The following AGTPBP1 variants were observed in gnomAD, a reference collection of about 807,000 sequenced individuals.
AGTPBP1 encodes ATP/GTP binding carboxypeptidase 1, also known as cytosolic carboxypeptidase 1.
A neutral mutation model predicts 143.9 loss-of-function variants in AGTPBP1; 70 were observed. The observed-to-expected ratio is 0.49, with a 90% CI of 0.40 to 0.59. The LOEUF is 0.59. AGTPBP1 is among the 20% of genes least tolerant of loss of function. The pLI is 0.00. For synonymous variants in AGTPBP1, 463 were observed against 500.2 expected (o/e 0.93, Z 0.99); for missense variants, 1,229 against 1,464.5 (o/e 0.84, Z 2.62).
At chr9:85,629,982 T>C (rs1338799425) in intron 14 of AGTPBP1, among the ~76,000 whole-genome samples, 1 of 152,210 alleles carries the variant, frequency 6.6e-6, no homozygotes, top group Non-Finnish European at 1.5e-5. Context: ...CCTCAAATAT[T>C]ACAGGCTAGT....
intron 4 of AGTPBP1, among the ~76,000 whole-genome samples, chr9:85,679,972 T>G (rs1045583671): frequency 9.9e-5 from 15 of 152,218 alleles, no homozygotes; most frequent in Admixed American, 9.8e-4. Flanking sequence ...TTTATTTGGG[T>G]GTGGAATGCA....
At chr9:85,744,457 C>T (rs974727391), upstream of AGTPBP1, among the ~76,000 whole-genome samples, 2 of 152,132 alleles carry the variant, frequency 1.3e-5, 1 homozygote, top group Non-Finnish European at 2.9e-5. Flanking sequence ...GGATTGTTTC[C>T]TCCTTAGCTC....
At chr9:85,565,907 T>C (rs1827054792) in intron 25 of AGTPBP1, among the ~76,000 whole-genome samples, 1 of 152,208 alleles carries the variant, frequency 6.6e-6, no homozygotes, top group South Asian at 2.1e-4. Context: ...GGTAAAATAG[T>C]GGCATACTTT....
chr9:85,612,246 T>C (rs62566925), intron 17 of AGTPBP1, among the ~76,000 whole-genome samples: 5,648 of 152,218 alleles, frequency 0.037, 167 homozygotes, highest in African/African-American at 0.079. Context: ...AAAGACCAAG[T>C]CATGATAAGA....
At chr9:85,730,801 C>G (rs1247827553) in intron 1 of AGTPBP1, among the ~76,000 whole-genome samples, 1 of 152,192 alleles carries the variant, frequency 6.6e-6, no homozygotes, top group Non-Finnish European at 1.5e-5. Flanking sequence ...TTAGCATTAT[C>G]TTTACTTCTC....
intron 17 of AGTPBP1, among the ~76,000 whole-genome samples, chr9:85,616,698 A>T (rs1032627411): frequency 3.3e-5 from 5 of 151,974 alleles, no homozygotes; most frequent in Admixed American, 6.5e-5. Flanking sequence ...CAAGTTAAAT[A>T]GGGAAATCAC....
intron 25 of AGTPBP1, among the ~76,000 whole-genome samples, chr9:85,572,958 C>A (rs1045131633): frequency 2.6e-5 from 4 of 152,042 alleles, no homozygotes; most frequent in Admixed American, 6.5e-5. Context: ...CAAGTTAATA[C>A]CTAACAACAA....
intron 2 of AGTPBP1, among the ~76,000 whole-genome samples, chr9:85,707,823 G>T (rs1367091286): frequency 2.0e-5 from 3 of 146,902 alleles, no homozygotes; most frequent in South Asian, 2.2e-4. Context: ...AGAAGAAATG[G>T]TTTTTGGCAT....
chr9:85,714,853 GA>G (rs1338419877), intron 1 of AGTPBP1, among the ~76,000 whole-genome samples: 2 of 151,952 alleles, frequency 1.3e-5, no homozygotes, highest in African/African-American at 2.4e-5. Context: ...AACATCTCTT[GA>G]AAAAATGAAT....
In AGTPBP1 at chr9:85,632,941, T is replaced by C. The variant is rs1437686047; in HGVS notation, c.1736A>G (p.Asn579Ser). The C allele has an allele frequency of 6.8e-6, 11 of 1,614,022 alleles. No individual in the cohort carries two copies. Among genetic ancestry groups the C allele is most frequent in the Admixed American group, 3.3e-5 (2 of 59,990 alleles). Reference protein sequence around the residue: ...KACPHMATCGNVLFEGRTVQL... With the variant: ...KACPHMATCGSVLFEGRTVQL... ...AACTGTTCTTCCCTCAAACAGAACA[T>C]TTCCACAAGTAGCCATGTGTGGACA... The change falls in exon 14 of 26, where the codon AAT becomes AGT. Residue 579 changes from asparagine (N) to serine (S), a missense_variant. This residue lies in a region of AGTPBP1 where 743 missense variants were observed against 812.2 expected (regional missense o/e 0.91). Transcript: ENST00000357081.
intron 14 of AGTPBP1, among the ~76,000 whole-genome samples, chr9:85,625,670 T>C (rs1392991966): frequency 6.6e-6 from 1 of 151,810 alleles, no homozygotes; most frequent in Non-Finnish European, 1.5e-5. Context: ...CAGAACACGA[T>C]GGCAGGAGAT....
At chr9:85,690,734 A>T (rs12347200) in intron 3 of AGTPBP1, among the ~76,000 whole-genome samples, 1 of 106,396 alleles carries the variant, frequency 9.4e-6, no homozygotes, top group African/African-American at 4.2e-5. Flanking sequence ...CTCTGATAGC[A>T]GTATGGTCAG....
At chr9:85,673,257 G>A (rs1410606455) in intron 6 of AGTPBP1, among the ~76,000 whole-genome samples, 1 of 151,816 alleles carries the variant, frequency 6.6e-6, no homozygotes, top group African/African-American at 2.4e-5. Context: ...GAGGATGGAG[G>A]CTAGAGTAGC....
At chr9:85,590,115 A>G (rs1272030449) in intron 19 of AGTPBP1, among the ~76,000 whole-genome samples, 2 of 152,188 alleles carry the variant, frequency 1.3e-5, no homozygotes, top group Non-Finnish European at 2.9e-5. Flanking sequence ...GAAAAATAAA[A>G]ATTATATAGC....
chr9:85,629,280 T>C (rs1587775262), intron 14 of AGTPBP1, among the ~76,000 whole-genome samples: 1 of 152,232 alleles, frequency 6.6e-6, no homozygotes, highest in African/African-American at 2.4e-5. Flanking sequence ...GATGCCCTAA[T>C]ATATGGAAGA....
At chr9:85,787,951 C>T in the AGTPBP1 span, 1 of 152,146 alleles carries the variant, frequency 6.6e-6, no homozygotes, top group South Asian at 2.1e-4. Context: ...AAACTGTCAC[C>T]CTGTGCTCAA....
the AGTPBP1 span, among the ~76,000 whole-genome samples, chr9:85,805,111 C>G: frequency 6.6e-6 from 1 of 152,228 alleles, no homozygotes; most frequent in Admixed American, 6.5e-5. Context: ...GGCGTTTGGA[C>G]CCTGCCCGGC....
intron 25 of AGTPBP1, among the ~76,000 whole-genome samples, chr9:85,567,181 G>T (rs1316125073): frequency 1.3e-5 from 2 of 152,298 alleles, no homozygotes; most frequent in East Asian, 3.9e-4. Context: ...ATAGGATCAT[G>T]AGAAACAGTG....
At chr9:85,634,512 A>C (rs1234566609) in intron 13 of AGTPBP1, among the ~76,000 whole-genome samples, 1 of 152,132 alleles carries the variant, frequency 6.6e-6, no homozygotes, top group Non-Finnish European at 1.5e-5. Context: ...TGCACACTAT[A>C]AGAATTTGGG....
Sources: allele counts gnomAD v4.1 joint callset (sites outside exome capture counted in the v4.1 genomes callset), GRCh38; gene constraint gnomAD v4.1.1; regional missense constraint gnomAD v4.1.1; transcripts MANE v1.5; gene names NCBI Gene and HGNC (gene_info 2026-07-23, HGNC 2026-07-21).